The following ADTRP variants were observed in gnomAD, a reference collection of about 807,000 sequenced individuals.
The protein encoded by ADTRP is androgen-dependent TFPI-regulating protein.
Under a neutral mutation model 27.0 loss-of-function variants are expected in ADTRP, and 20 were observed. The ratio of observed to expected loss-of-function variants is 0.74; its 90% CI spans 0.52 to 1.08. The LOEUF is 1.08. Among genes scored for constraint, ADTRP ranks in the 50% least tolerant of loss-of-function variants. The pLI, the probability that ADTRP is intolerant of heterozygous loss-of-function variation, is 0.00. For missense variants in ADTRP, 251 were observed against 275.0 expected, an observed-to-expected ratio of 0.91 and a Z score of 0.62; for synonymous variants, 101 against 105.2, an observed-to-expected ratio of 0.96 and a Z score of 0.25.
At chr6:11,732,590 C>T (rs2235418) in intron 4 of ADTRP, among the ~76,000 whole-genome samples, 47,478 of 152,180 alleles carry the variant, frequency 0.31, 9,279 homozygotes, top group Non-Finnish European at 0.44. Context: ...AGGATCACAT[C>T]AAACACCCTC....
chr6:11,771,975 T>C (rs1179955746), intron 1 of ADTRP, among the ~76,000 whole-genome samples: 1 of 152,212 alleles, frequency 6.6e-6, no homozygotes, highest in South Asian at 2.1e-4. Flanking sequence ...GCCCAGTCCA[T>C]GGTAGTTTGT....
At chr6:11,758,402 C>T (rs1763280353) in intron 3 of ADTRP, among the ~76,000 whole-genome samples, 1 of 152,058 alleles carries the variant, frequency 6.6e-6, no homozygotes, top group Non-Finnish European at 1.5e-5. Context: ...GAAACACAGC[C>T]TCCAGGTTTT....
intron 3 of ADTRP, among the ~76,000 whole-genome samples, chr6:11,758,389 C>A (rs991994892): frequency 6.6e-6 from 1 of 152,068 alleles, no homozygotes; most frequent in Non-Finnish European, 1.5e-5. Flanking sequence ...TGTGTAGCTA[C>A]GTGAAACACA....
intron 5 of ADTRP, chr6:11,717,544 A>G: frequency 9.3e-7 from 1 of 1,072,478 alleles, no homozygotes; most frequent in Non-Finnish European, 1.2e-6. Context: ...AAAGATTTAC[A>G]CCTATGTATC....
intron 3 of ADTRP, among the ~76,000 whole-genome samples, chr6:11,753,683 T>C (rs1393464756): frequency 6.6e-6 from 1 of 152,222 alleles, no homozygotes; most frequent in Non-Finnish European, 1.5e-5. Flanking sequence ...AGACCTTTAT[T>C]AAATACTGTT....
At position 11,747,534 on chromosome 6, in the gene ADTRP, A is replaced by G. The variant is rs1005657530; in HGVS notation, c.391-11851T>C. On this transcript the variant is annotated intron_variant, in intron 3 of 5. Transcript: ENST00000414691. ...TCTCTTTTTATTCTGCCCTCAACATAAGAAGAAACTTGATTGCTATTGGAC... is the reference window on the plus strand; with the variant it reads ...TCTCTTTTTATTCTGCCCTCAACATGAGAAGAAACTTGATTGCTATTGGAC... 2.6e-5 allele frequency among the ~76,000 whole-genome samples: 4 copies of G among 152,222 alleles called. No homozygotes were observed. The East Asian group carries it at 7.7e-4, about 29-fold the overall frequency.
chr6:11,766,504 A>G, intron 2 of ADTRP, 129 bp from the exon 3 acceptor site: 2 of 585,574 alleles, frequency 3.4e-6, no homozygotes, highest in Non-Finnish European at 5.9e-6. Context: ...TATACATTAT[A>G]GGAATGTAGT....
At chr6:11,769,999 C>T (rs1763714386) in intron 1 of ADTRP, 2 of 1,551,162 alleles carry the variant, frequency 1.3e-6, no homozygotes, top group Admixed American at 2.0e-5. Context: ...GACTCCCCCG[C>T]CCACCACCAT....
intron 3 of ADTRP, among the ~76,000 whole-genome samples, chr6:11,754,069 C>G (rs1364578977): frequency 6.6e-6 from 1 of 152,210 alleles, no homozygotes; most frequent in African/African-American, 2.4e-5. Context: ...ACTCTGCACT[C>G]AACGTAGAAT....
intron 3 of ADTRP, among the ~76,000 whole-genome samples, chr6:11,761,361 C>T (rs115313881): frequency 0.022 from 3,280 of 152,248 alleles, 115 homozygotes; most frequent in African/African-American, 0.075. Context: ...CAGATCTTTT[C>T]GATGGTCTTG....
chr6:11,745,190 C>CTG (rs1762828994), intron 3 of ADTRP, among the ~76,000 whole-genome samples: 1 of 151,814 alleles, frequency 6.6e-6, no homozygotes, highest in Non-Finnish European at 1.5e-5. Flanking sequence ...CTCTCTCTCT[C>CTG]TCTCTCTGTG....
At chr6:11,733,646 T>C (rs1762455348) in intron 4 of ADTRP, among the ~76,000 whole-genome samples, 1 of 152,198 alleles carries the variant, frequency 6.6e-6, no homozygotes, top group Non-Finnish European at 1.5e-5. Flanking sequence ...CCGGACAGCC[T>C]CTAAAGGTAG....
chr6:11,714,209 A>T lies in ADTRP; in HGVS notation c.*269T>A. The T allele has an allele frequency of 2.3e-6, 1 of 434,680 alleles. No homozygotes were observed. The highest frequency in any genetic ancestry group is 4.1e-6 in the Non-Finnish European group (1 of 242,420). The allele number at this position is 434,680 out of a possible 1,614,324, so 26.9% of individuals were successfully genotyped here. A position where few individuals can be genotyped will look rare whatever the true frequency, so the allele number is the denominator to read the frequency against. On this transcript the variant is annotated 3_prime_UTR_variant, in exon 6 of 6. Coordinates refer to ENST00000414691, the MANE Select transcript of ADTRP (RefSeq NM_032744.4). ...ATGTGAGTTTCTTTGGCCAGATTTT[A>T]ACCAGAGACCATCCTCCACGAAGGT... is the stretch of plus-strand genomic sequence containing the variant.
At chr6:11,753,566 G>A (rs1763119495) in intron 3 of ADTRP, among the ~76,000 whole-genome samples, 2 of 152,146 alleles carry the variant, frequency 1.3e-5, no homozygotes, top group Non-Finnish European at 2.9e-5. Context: ...CTGACATTAG[G>A]TTAGTGAAGT....
Position 11,735,572 on chromosome 6 carries a change from T to C in ADTRP, c.502A>G (p.Ser168Gly), listed in dbSNP as rs149085734. ...CTTTCTCCATGTAATTCTTACCGGC[T>C]GATGTAAGCAATGCTGGCAGCAGCC... The part of the protein sequence containing the change: ...LLAAASIAYI[S>G]RILWLYFETG... Residue 168 changes from serine (S) to glycine (G), a missense_variant, in exon 4 of 6, where the codon AGC becomes GGC. Coordinates refer to ENST00000414691, the MANE Select transcript of ADTRP (RefSeq NM_032744.4). 21 of 1,610,704 alleles carry C rather than the reference T, an allele frequency of 1.3e-5. No individual in the cohort carries two copies. In the Middle Eastern group the frequency reaches 4.9e-4, roughly 38 times the overall value.
chr6:11,720,721 T>G (rs948666555), intron 5 of ADTRP, among the ~76,000 whole-genome samples: 1 of 152,118 alleles, frequency 6.6e-6, no homozygotes, highest in Non-Finnish European at 1.5e-5. Flanking sequence ...TGATTCCTAT[T>G]CCAGTGCTCT....
At chr6:11,722,233 G>T (rs146165780) in intron 5 of ADTRP, among the ~76,000 whole-genome samples, 3 of 151,872 alleles carry the variant, frequency 2.0e-5, no homozygotes, top group African/African-American at 7.2e-5. Flanking sequence ...AGAGAATTTT[G>T]CCCTTGAGAG....
chr6:11,719,403 G>A (rs1224153490), intron 5 of ADTRP, among the ~76,000 whole-genome samples: 2 of 152,228 alleles, frequency 1.3e-5, no homozygotes, highest in African/African-American at 4.8e-5. Flanking sequence ...GATCCCGATT[G>A]CAAGTTAAAA....
intron 2 of ADTRP, chr6:11,767,702 A>G (rs1426488337): frequency 6.6e-6 from 1 of 151,992 alleles, no homozygotes; most frequent in Non-Finnish European, 1.5e-5. Flanking sequence ...ACATCCATCC[A>G]CTCAGCAACA....
Sources: gnomAD v4.1 joint callset for allele counts (sites outside exome capture counted in the v4.1 genomes callset) on GRCh38, gnomAD v4.1.1 for gene constraint, MANE v1.5 for transcripts, NCBI Gene and HGNC (gene_info 2026-07-23, HGNC 2026-07-21) for gene names.